DCAF8: variants seen among roughly 807,000 people sequenced by gnomAD.
The protein encoded by DCAF8 is DDB1 and CUL4 associated factor 8, also known as DDB1- and CUL4-associated factor 8.
DCAF8 carries 20 observed loss-of-function variants against 68.0 expected under a neutral mutation model. The observed-to-expected ratio is 0.29, with a 90% CI of 0.21 to 0.43. The LOEUF (loss-of-function observed/expected upper bound fraction) is 0.43, where lower values mean the gene tolerates loss of function less well. Ranked by LOEUF, DCAF8 falls within the 20% of genes least tolerant of loss-of-function variation. The pLI is 1.00. For missense variants in DCAF8, 460 were observed against 771.0 expected, an observed-to-expected ratio of 0.60 and a Z score of 4.78; for synonymous variants, 230 against 276.9, an observed-to-expected ratio of 0.83 and a Z score of 1.68.
chr1:160,226,778 G>A (rs561691553), intron 7 of DCAF8, among the ~76,000 whole-genome samples: 1 of 152,068 alleles, frequency 6.6e-6, no homozygotes, highest in South Asian at 2.1e-4. Context: ...TCACTTCTCA[G>A]TCCATCCTAA....
chr1:160,219,106 G>A (rs781341973), intron 11 of DCAF8, 138 bp from the exon 12 acceptor site: 74 of 1,226,612 alleles, frequency 6.0e-5, no homozygotes, highest in Non-Finnish European at 7.7e-5. Flanking sequence ...CACCCATCCT[G>A]AGCCTAAGCC....
intron 4 of DCAF8, chr1:160,239,103 A>G (rs1247575811): frequency 2.1e-6 from 2 of 968,930 alleles, no homozygotes; most frequent in Non-Finnish European, 2.5e-6. Flanking sequence ...TACAAAGAAA[A>G]AGGAAAATAG....
At chr1:160,240,545 A>G (rs577896452) in intron 3 of DCAF8, among the ~76,000 whole-genome samples, 175 bp from the exon 4 acceptor site, 1 of 152,222 alleles carries the variant, frequency 6.6e-6, no homozygotes, top group Non-Finnish European at 1.5e-5. Context: ...TGTAAAGGAC[A>G]AGAAATTGAA....
intron 3 of DCAF8, among the ~76,000 whole-genome samples, chr1:160,243,700 T>C (rs552997971): frequency 1.6e-4 from 25 of 152,336 alleles, no homozygotes; most frequent in Middle Eastern, 3.4e-3. Flanking sequence ...CCCATCCTTA[T>C]AGCTTTATAG....
chr1:160,236,187 AATAATT>A (rs553965250), intron 6 of DCAF8, among the ~76,000 whole-genome samples: 183 of 152,178 alleles, frequency 1.2e-3, no homozygotes, highest in African/African-American at 4.1e-3. Context: ...AAGAAACTAA[AATAATT>A]ATAATTATAA....
At chr1:160,237,582 A>G (rs1202218174) in intron 5 of DCAF8, among the ~76,000 whole-genome samples, 3 of 152,164 alleles carry the variant, frequency 2.0e-5, no homozygotes, top group African/African-American at 4.8e-5. Context: ...GCTGAAGTGC[A>G]GTGGCATGAT....
intron 6 of DCAF8, among the ~76,000 whole-genome samples, chr1:160,236,299 T>C (rs1336432132): frequency 2.0e-5 from 3 of 151,194 alleles, no homozygotes; most frequent in Admixed American, 1.3e-4. Flanking sequence ...CGTATATATA[T>C]ACATACATAT....
At chr1:160,256,769 C>A (rs931951372) in intron 2 of DCAF8, among the ~76,000 whole-genome samples, 1 of 152,162 alleles carries the variant, frequency 6.6e-6, no homozygotes, top group Non-Finnish European at 1.5e-5. Context: ...TAATTACTCC[C>A]CAATGCCCTA....
chr1:160,217,099 TG>T lies in DCAF8; in HGVS notation c.*492del, dbSNP rs377530193. 9.7e-5 allele frequency: 13 copies of T among 133,732 alleles called. No homozygotes were observed. Among genetic ancestry groups the T allele is most frequent in the South Asian group, 7.7e-4 (3 of 3,906 alleles). The allele number at this position is 133,732 out of a possible 1,614,324, so 8.3% of individuals were successfully genotyped here. A position where few individuals can be genotyped will look rare whatever the true frequency, so the allele number is the denominator to read the frequency against. On this transcript the variant is annotated 3_prime_UTR_variant, in exon 14 of 14. Transcript: ENST00000368074. The stretch of plus-strand genomic sequence containing the variant: ...GATTCTGGGATGGGGTTGCTGGGGG[TG>T]GGGGGGGAGCCAACTGTCATAAACT...
chr1:160,242,927 G>A (rs905275052), intron 3 of DCAF8, among the ~76,000 whole-genome samples: 1 of 152,164 alleles, frequency 6.6e-6, no homozygotes, highest in Non-Finnish European at 1.5e-5. Flanking sequence ...ACTAAACCCA[G>A]TGAAAAATAT....
intron 2 of DCAF8, among the ~76,000 whole-genome samples, chr1:160,247,995 T>TG (rs1472893181): frequency 6.6e-6 from 1 of 152,222 alleles, no homozygotes; most frequent in African/African-American, 2.4e-5. Context: ...ATTAATCAGT[T>TG]GGATTTATCA....
intron 2 of DCAF8, 88 bp downstream of exon 2, chr1:160,261,197 G>A (rs1316160616): frequency 6.6e-6 from 1 of 152,202 alleles, no homozygotes; most frequent in Non-Finnish European, 1.5e-5. Flanking sequence ...AAACTGGTAG[G>A]AATTTTATGA....
chr1:160,239,189 G>A lies in DCAF8; in HGVS notation c.724-442C>T, dbSNP rs531297756. 5.4e-4 allele frequency: 583 copies of A among 1,073,390 alleles called. No homozygotes were observed. In the African/African-American group the frequency reaches 9.0e-3, roughly 17 times the overall value. The allele number at this position is 1,073,390 out of a possible 1,614,324, so 66.5% of individuals were successfully genotyped here. A position where few individuals can be genotyped will look rare whatever the true frequency, so the allele number is the denominator to read the frequency against. On this transcript the variant is annotated intron_variant, in intron 4 of 13. Coordinates refer to ENST00000368074, the MANE Select transcript of DCAF8 (RefSeq NM_015726.4). ...CCAGTACAGTAGATGGGGCCAAGGAGTAAAATCTTTCCAGAATAACAACAG... is the reference window on the plus strand; with the variant it reads ...CCAGTACAGTAGATGGGGCCAAGGAATAAAATCTTTCCAGAATAACAACAG...
rs539741759 is a variant in DCAF8 at position 160,238,278 on chromosome 1, T to G, written c.864+329A>C. ...ACAAGAGGAATAAACCACTAGCACCTTGAAACTGTCAAAATACCCTAAAAA... is the reference window on the plus strand; with the variant it reads ...ACAAGAGGAATAAACCACTAGCACCGTGAAACTGTCAAAATACCCTAAAAA... On this transcript the variant is annotated intron_variant, in intron 5 of 13. Transcript: ENST00000368074. Among the ~76,000 whole-genome samples, 6 of 152,294 alleles carry G rather than the reference T, an allele frequency of 3.9e-5. No individual in the cohort carries two copies. The South Asian group carries it at 1.2e-3, about 32-fold the overall frequency.
intron 2 of DCAF8, among the ~76,000 whole-genome samples, chr1:160,246,611 G>A (rs1005001686): frequency 6.6e-6 from 1 of 152,072 alleles, no homozygotes; most frequent in Non-Finnish European, 1.5e-5. Flanking sequence ...GGGCAGAACT[G>A]TGAGACCCTT....
chr1:160,235,740 AT>A lies in DCAF8; in HGVS notation c.959+1394del, dbSNP rs556268467. Reference sequence around the variant, plus strand: ...AAGGTGTTCAAAATTACTTACAATGATTTTTTTTTTTTTTCTGAGATGGAGT... The same window carrying A: ...AAGGTGTTCAAAATTACTTACAATGATTTTTTTTTTTTTCTGAGATGGAGT... On this transcript the variant is annotated intron_variant, in intron 6 of 13. Coordinates refer to ENST00000368074, the MANE Select transcript of DCAF8 (RefSeq NM_015726.4). Among the ~76,000 whole-genome samples the A allele has an allele frequency of 3.8e-3, 554 of 144,652 alleles. 3 individuals carry two copies. The highest frequency in any genetic ancestry group is 0.011 in the Middle Eastern group (3 of 280). 94.9% of individuals were successfully genotyped at this position (144,652 alleles called of 152,430 possible).
At position 160,237,243 on chromosome 1, in the gene DCAF8, A is replaced by T; in HGVS notation, c.865-14T>A. Reference sequence around the variant, plus strand: ...TTCCAGTGCCAACTGAAGAAGAAAAAGGAAAAACATGAGGTTTCTAAATAT... The same window carrying T: ...TTCCAGTGCCAACTGAAGAAGAAAATGGAAAAACATGAGGTTTCTAAATAT... On this transcript the variant is annotated splice_polypyrimidine_tract_variant and intron_variant, in intron 5 of 13. Coordinates refer to ENST00000368074, the MANE Select transcript of DCAF8 (RefSeq NM_015726.4). 1.3e-6 allele frequency: 2 copies of T among 1,531,484 alleles called. No homozygotes were observed. The highest frequency in any genetic ancestry group is 1.8e-6 in the Non-Finnish European group (2 of 1,128,444). The allele number at this position is 1,531,484 out of a possible 1,614,324, so 94.9% of individuals were successfully genotyped here.
At chr1:160,262,210 C>T (rs1657126566) in intron 1 of DCAF8, 1 of 397,410 alleles carries the variant, frequency 2.5e-6, no homozygotes, top group South Asian at 1.4e-4. Context: ...GGGTCAGGCC[C>T]ATCCTTAGGG....
chr1:160,228,964 T>A (rs1221328149), intron 7 of DCAF8, among the ~76,000 whole-genome samples: 1 of 151,924 alleles, frequency 6.6e-6, no homozygotes, highest in Admixed American at 6.6e-5. Context: ...AGAGCTGGAG[T>A]GCTGAAAGGG....
Sources: gnomAD v4.1 joint callset for allele counts (sites outside exome capture counted in the v4.1 genomes callset) on GRCh38, gnomAD v4.1.1 for gene constraint, MANE v1.5 for transcripts, NCBI Gene and HGNC (gene_info 2026-07-23, HGNC 2026-07-21) for gene names.